Variants in C8orf34 observed in about 807,000 individuals in gnomAD.
C8orf34 encodes uncharacterized protein C8orf34.
Under a neutral mutation model 68.3 loss-of-function variants are expected in C8orf34, and 65 were observed. That is an observed-to-expected ratio of 0.95 (90% CI 0.78 to 1.17). C8orf34 has a LOEUF of 1.17. Ranked by LOEUF, C8orf34 falls within the 50% of genes most tolerant of loss-of-function variation. The pLI is 0.00. For synonymous variants in C8orf34, 244 were observed against 241.2 expected (o/e 1.01, Z -0.11); for missense variants, 664 against 655.4 (o/e 1.01, Z -0.14).
intron 1 of C8orf34, among the ~76,000 whole-genome samples, chr8:68,390,758 G>A (rs570900953): frequency 6.6e-6 from 1 of 152,256 alleles, no homozygotes; most frequent in South Asian, 2.1e-4. Context: ...GTCTGTATCA[G>A]TCAGGGTTCT....
intron 1 of C8orf34, among the ~76,000 whole-genome samples, chr8:68,402,955 ATCCCAGTGACTGTACCCCT>A (rs1809022080): frequency 6.6e-6 from 1 of 152,196 alleles, no homozygotes; most frequent in African/African-American, 2.4e-5. Context: ...AGCCCCATGC[ATCCCAGTGACTGTACCCCT>A]CCCCAGTCAC....
At chr8:68,431,255 A>C (rs1375270275) in intron 1 of C8orf34, among the ~76,000 whole-genome samples, 1 of 152,184 alleles carries the variant, frequency 6.6e-6, no homozygotes, top group Non-Finnish European at 1.5e-5. Flanking sequence ...TTATTCTGTC[A>C]TTCTGAGCAC....
At chr8:68,744,484 GA>G (rs1387181280) in intron 10 of C8orf34, among the ~76,000 whole-genome samples, 3 of 151,670 alleles carry the variant, frequency 2.0e-5, no homozygotes, top group East Asian at 1.9e-4. Flanking sequence ...TGAAAACTTT[GA>G]AAAAAATTTA....
intron 1 of C8orf34, among the ~76,000 whole-genome samples, chr8:68,338,020 A>G (rs1368428292): frequency 1.3e-5 from 2 of 152,224 alleles, no homozygotes; most frequent in African/African-American, 4.8e-5. Flanking sequence ...ATAGTCAGTG[A>G]CACAGAGTCA....
chr8:68,373,209 G>A (rs902967133), intron 1 of C8orf34, among the ~76,000 whole-genome samples: 1 of 152,116 alleles, frequency 6.6e-6, no homozygotes, highest in Non-Finnish European at 1.5e-5. Context: ...TGGCCAGGCT[G>A]GTCTCGGACT....
chr8:68,711,796 G>C (rs769325725), intron 9 of C8orf34, among the ~76,000 whole-genome samples: 5 of 152,068 alleles, frequency 3.3e-5, no homozygotes, highest in Non-Finnish European at 5.9e-5. Flanking sequence ...CCCTGGCCTT[G>C]CTAGAGATCT....
At chr8:68,547,040 A>G (rs1209515264) in intron 7 of C8orf34, among the ~76,000 whole-genome samples, 1 of 151,784 alleles carries the variant, frequency 6.6e-6, no homozygotes, top group Non-Finnish European at 1.5e-5. Context: ...CCAAATAAGT[A>G]GAAAAAATGA....
intron 1 of C8orf34, among the ~76,000 whole-genome samples, chr8:68,425,735 A>G (rs994740318): frequency 6.6e-6 from 1 of 151,872 alleles, no homozygotes; most frequent in African/African-American, 2.4e-5. Flanking sequence ...GAAGGAAAAA[A>G]AAAAAAAGGA....
intron 1 of C8orf34, among the ~76,000 whole-genome samples, chr8:68,371,080 C>T (rs374062936): frequency 9.2e-5 from 14 of 152,204 alleles, no homozygotes; most frequent in Middle Eastern, 3.4e-3. Flanking sequence ...AGGTGATTCT[C>T]CTCCAACATA....
At chr8:68,593,761 ATT>A (rs1817464057) in intron 7 of C8orf34, among the ~76,000 whole-genome samples, 2 of 151,404 alleles carry the variant, frequency 1.3e-5, no homozygotes, top group African/African-American at 4.9e-5. Flanking sequence ...TTTCTTTTTT[ATT>A]GTTTGCTGTT....
chr8:68,726,206 TCACC>T (rs1821826296), intron 10 of C8orf34, among the ~76,000 whole-genome samples: 1 of 152,092 alleles, frequency 6.6e-6, no homozygotes, highest in Admixed American at 6.6e-5. Context: ...CCATGCCTGG[TCACC>T]AATATCAAAG....
chr8:68,753,457 G>T (rs936620290), intron 10 of C8orf34, among the ~76,000 whole-genome samples: 8 of 152,186 alleles, frequency 5.3e-5, no homozygotes, highest in Admixed American at 1.3e-4. Context: ...ATTGTATGAT[G>T]TAGACTGTAT....
At chr8:68,716,914 C>G (rs1315898934) in intron 9 of C8orf34, among the ~76,000 whole-genome samples, 16 of 151,498 alleles carry the variant, frequency 1.1e-4, no homozygotes, top group Non-Finnish European at 2.1e-4. Context: ...TACATACAGG[C>G]GATGGATAAA....
chr8:68,579,906 C>T (rs1428412918), intron 7 of C8orf34, among the ~76,000 whole-genome samples: 1 of 152,132 alleles, frequency 6.6e-6, no homozygotes, highest in Non-Finnish European at 1.5e-5. Flanking sequence ...ACTTAGCACT[C>T]TGAGTAATCT....
rs758305257 is a variant in C8orf34 at position 68,488,022 on chromosome 8, G to A, written c.737-1G>A. 6.3e-7 allele frequency: 1 copy of A among 1,589,098 alleles called. No homozygotes were observed. The highest frequency in any genetic ancestry group is 1.2e-5 in the South Asian group (1 of 86,628). Reference sequence around the variant, plus strand: ...TTTTATAAATCTCTTTTAAATCCCAGGTATTGCAATTTCAGATGAACTCGA... The same window carrying A: ...TTTTATAAATCTCTTTTAAATCCCAAGTATTGCAATTTCAGATGAACTCGA... On this transcript the variant is annotated splice_acceptor_variant, in intron 4 of 13. Transcript: ENST00000518698. LOFTEE classifies it high-confidence loss of function.
At chr8:68,711,266 A>C (rs1258869154) in intron 9 of C8orf34, among the ~76,000 whole-genome samples, 1 of 152,166 alleles carries the variant, frequency 6.6e-6, no homozygotes, top group African/African-American at 2.4e-5. Flanking sequence ...AGGTTCTTTA[A>C]CACCCTCAAA....
At chr8:68,546,239 T>C (rs1218018270) in intron 7 of C8orf34, among the ~76,000 whole-genome samples, 1 of 152,000 alleles carries the variant, frequency 6.6e-6, no homozygotes, top group Non-Finnish European at 1.5e-5. Context: ...TTACATTAAG[T>C]ATAAATGAAT....
intron 1 of C8orf34, among the ~76,000 whole-genome samples, chr8:68,337,182 C>T (rs1805887211): frequency 6.6e-6 from 1 of 152,116 alleles, no homozygotes; most frequent in African/African-American, 2.4e-5. Flanking sequence ...AAGTATCTTC[C>T]TACAAAATAC....
At chr8:68,367,677 C>A (rs2129619646) in intron 1 of C8orf34, among the ~76,000 whole-genome samples, 1 of 142,020 alleles carries the variant, frequency 7.0e-6, no homozygotes, top group East Asian at 2.1e-4. Context: ...CATATTCTCA[C>A]TCATAGGTGG....
Sources: allele counts gnomAD v4.1 joint callset (sites outside exome capture counted in the v4.1 genomes callset), GRCh38; gene constraint gnomAD v4.1.1; transcripts MANE v1.5; gene names NCBI Gene and HGNC (gene_info 2026-07-23, HGNC 2026-07-21).